CDH13: variants seen among roughly 807,000 people sequenced by gnomAD.
The protein encoded by CDH13 is cadherin-13.
In CDH13, 24 loss-of-function variants were observed where a neutral mutation model predicts 63.8. That is an observed-to-expected ratio of 0.38 (90% CI 0.27 to 0.53). The LOEUF is 0.53. CDH13 is among the 20% of genes least tolerant of loss of function. CDH13 has a pLI of 0.85. For synonymous variants in CDH13, 503 were observed against 355.3 expected, an observed-to-expected ratio of 1.42 and a Z score of -4.67; for missense variants, 1,049 against 903.1, an observed-to-expected ratio of 1.16 and a Z score of -2.07.
chr16:82,869,773 C>T (rs1418573474), intron 2 of CDH13, among the ~76,000 whole-genome samples: 3 of 152,020 alleles, frequency 2.0e-5, no homozygotes, highest in Non-Finnish European at 2.9e-5. Context: ...AACTGGATAT[C>T]CATATGCAGA....
At chr16:83,527,996 G>A (rs1396852800) in intron 7 of CDH13, among the ~76,000 whole-genome samples, 1 of 152,140 alleles carries the variant, frequency 6.6e-6, no homozygotes, top group African/African-American at 2.4e-5. Flanking sequence ...GGGCACGCAG[G>A]GAGTTTATCG....
intron 7 of CDH13, among the ~76,000 whole-genome samples, chr16:83,570,839 T>TA (rs1904529526): frequency 1.9e-5 from 1 of 53,616 alleles, no homozygotes; most frequent in Non-Finnish European, 5.7e-5. Flanking sequence ...AAAATTTATA[T>TA]TTTTATATAT....
intron 5 of CDH13, among the ~76,000 whole-genome samples, chr16:83,321,639 C>G (rs1383528133): frequency 6.7e-6 from 1 of 150,096 alleles, no homozygotes; most frequent in African/African-American, 2.5e-5. Context: ...CAACATTCTC[C>G]TGCCTCAGCC....
rs1912064091 is a variant in CDH13 at position 83,741,511 on chromosome 16, T to TGG, written c.1539-6596_1539-6595insGG. On this transcript the variant is annotated intron_variant, in intron 10 of 13. Coordinates refer to ENST00000567109, the MANE Select transcript of CDH13 (RefSeq NM_001257.5). ...GTGTATATATATATATGTGTGTGTG[T>TGG]GTGTATATATATGTGTGTATATATA... 2.6e-5 allele frequency among the ~76,000 whole-genome samples: 4 copies of TGG among 151,998 alleles called. No homozygotes were observed. The East Asian group carries it at 7.8e-4, about 29-fold the overall frequency.
At chr16:83,764,089 G>A (rs1050867282) in intron 11 of CDH13, among the ~76,000 whole-genome samples, 1 of 152,188 alleles carries the variant, frequency 6.6e-6, no homozygotes, top group South Asian at 2.1e-4. Context: ...GTACTCCTAA[G>A]CATATAAGAA....
At chr16:83,703,315 AAC>A (rs1232831087) in intron 10 of CDH13, among the ~76,000 whole-genome samples, 1 of 152,240 alleles carries the variant, frequency 6.6e-6, no homozygotes, top group Non-Finnish European at 1.5e-5. Context: ...ACACTCAGGA[AAC>A]AGATTTATGT....
intron 1 of CDH13, among the ~76,000 whole-genome samples, chr16:82,793,115 A>T (rs1597601225): frequency 6.6e-6 from 1 of 152,234 alleles, no homozygotes; most frequent in African/African-American, 2.4e-5. Context: ...AGGGGCGACT[A>T]AACAAGTGGC....
At chr16:82,942,373 G>C (rs976934065) in intron 2 of CDH13, among the ~76,000 whole-genome samples, 1 of 152,254 alleles carries the variant, frequency 6.6e-6, no homozygotes, top group African/African-American at 2.4e-5. Context: ...ATTTAACCTT[G>C]TGCCAATATG....
At chr16:83,329,428 G>C (rs994069480) in intron 5 of CDH13, among the ~76,000 whole-genome samples, 1 of 151,132 alleles carries the variant, frequency 6.6e-6, no homozygotes, top group African/African-American at 2.4e-5. Context: ...GTAGAGATGG[G>C]GTTTCGCCAT....
At chr16:83,303,190 C>G (rs967597420) in intron 5 of CDH13, among the ~76,000 whole-genome samples, 2 of 152,196 alleles carry the variant, frequency 1.3e-5, no homozygotes, top group Non-Finnish European at 2.9e-5. Context: ...GAAAGCTTCC[C>G]CTTCACCTTC....
chr16:82,893,263 G>A (rs1378677748), intron 2 of CDH13, among the ~76,000 whole-genome samples: 6 of 152,220 alleles, frequency 3.9e-5, no homozygotes, highest in African/African-American at 1.4e-4. Context: ...ATATGTGTTG[G>A]CATCAGCAGT....
chr16:82,688,683 G>C (rs1915331753), intron 1 of CDH13, among the ~76,000 whole-genome samples: 1 of 152,332 alleles, frequency 6.6e-6, no homozygotes, highest in South Asian at 2.1e-4. Flanking sequence ...ATCCGAGGAT[G>C]ATCAAGTGAG....
chr16:82,986,508 A>G (rs1910957227), intron 2 of CDH13, among the ~76,000 whole-genome samples: 1 of 152,194 alleles, frequency 6.6e-6, no homozygotes, highest in Non-Finnish European at 1.5e-5. Flanking sequence ...TTACCACAGC[A>G]AGCTTTTATT....
chr16:82,882,990 A>C (rs1478080261), intron 2 of CDH13, among the ~76,000 whole-genome samples: 1 of 152,128 alleles, frequency 6.6e-6, no homozygotes, highest in African/African-American at 2.4e-5. Flanking sequence ...TAGAGGTCTA[A>C]AGAGATTTGT....
intron 5 of CDH13, among the ~76,000 whole-genome samples, chr16:83,249,952 A>G (rs1905330580): frequency 6.6e-6 from 1 of 152,212 alleles, no homozygotes; most frequent in Non-Finnish European, 1.5e-5. Context: ...ATGTTTGACT[A>G]ACAATCTCCC....
At chr16:83,098,221 T>C (rs4499222) in intron 3 of CDH13, among the ~76,000 whole-genome samples, 141,742 of 152,282 alleles carry the variant, frequency 0.93, 66,744 homozygotes, top group Non-Finnish European at 1. Flanking sequence ...TCACAGTTCG[T>C]GTTAAATAAT....
rs1567515086 is a variant in CDH13 at position 83,217,467 on chromosome 16, C to T, written c.606C>T (p.Thr202=). The part of the protein sequence containing the change: ...ENTGSVSVTR[T]LDREVIAVYQ... ...CAGGGAGCGTCTCCGTGACACGGAC[C>T]TTGGACAGAGAAGTAATCGCTGTTT... Residue 202 remains threonine, a synonymous_variant, in exon 5 of 14, where the codon ACC becomes ACT. Transcript: ENST00000567109. 19 of 1,613,814 alleles carry T rather than the reference C, an allele frequency of 1.2e-5. No individual in the cohort carries two copies. Among genetic ancestry groups the T allele is most frequent in the East Asian group, 4.5e-5 (2 of 44,868 alleles).
chr16:83,371,384 T>C (rs981532472), intron 6 of CDH13, among the ~76,000 whole-genome samples: 1 of 152,196 alleles, frequency 6.6e-6, no homozygotes, highest in African/African-American at 2.4e-5. Context: ...GAATCCACTA[T>C]ACCCCTGCCT....
At chr16:83,423,826 T>C (rs1255530244) in intron 6 of CDH13, among the ~76,000 whole-genome samples, 1 of 152,222 alleles carries the variant, frequency 6.6e-6, no homozygotes, top group Non-Finnish European at 1.5e-5. Flanking sequence ...TGCCAATCTT[T>C]GGAACTTCAG....
Sources: gnomAD v4.1 joint callset for allele counts (sites outside exome capture counted in the v4.1 genomes callset) on GRCh38, gnomAD v4.1.1 for gene constraint, MANE v1.5 for transcripts, NCBI Gene and HGNC (gene_info 2026-07-23, HGNC 2026-07-21) for gene names.